The following HYDIN variants were observed in gnomAD, a reference collection of about 807,000 sequenced individuals.
HYDIN encodes axonemal central pair apparatus protein HYDIN.
HYDIN carries 132 observed loss-of-function variants against 403.9 expected under a neutral mutation model. That is an observed-to-expected ratio of 0.33 (90% CI 0.28 to 0.38). The LOEUF is 0.38. Among genes scored for constraint, HYDIN ranks in the 10% least tolerant of loss-of-function variants. The pLI, the probability that HYDIN is intolerant of heterozygous loss-of-function variation, is 1.00. For missense variants in HYDIN, 2,827 were observed against 5,009.5 expected (o/e 0.56, Z 13.15); for synonymous variants, 1,202 against 1,891.7 (o/e 0.64, Z 9.46).
At chr16:70,894,399 C>G (rs866463425) in intron 55 of HYDIN, 50 bp downstream of exon 55, 3 of 1,610,888 alleles carry the variant, frequency 1.9e-6, no homozygotes, top group Non-Finnish European at 2.5e-6. Flanking sequence ...TCCCCACATT[C>G]CTCCCCACGG....
intron 21 of HYDIN, among the ~76,000 whole-genome samples, chr16:71,023,105 G>T (rs1164497776): frequency 6.6e-6 from 1 of 152,186 alleles, no homozygotes; most frequent in East Asian, 1.9e-4. Flanking sequence ...ACCAACTTCA[G>T]TGCAGCTGTT....
At chr16:70,940,016 G>A (rs1181440730) in intron 43 of HYDIN, among the ~76,000 whole-genome samples, 2 of 152,094 alleles carry the variant, frequency 1.3e-5, no homozygotes, top group Non-Finnish European at 2.9e-5. Flanking sequence ...GTTGATAAGC[G>A]ACCCAATCTA....
chr16:71,158,402 A>G (rs2085862822), intron 6 of HYDIN, among the ~76,000 whole-genome samples: 2 of 152,112 alleles, frequency 1.3e-5, no homozygotes, highest in South Asian at 2.1e-4. Context: ...AGATAGATAG[A>G]AAGATTTTAT....
intron 1 of HYDIN, among the ~76,000 whole-genome samples, chr16:71,224,190 G>C (rs1190115185): frequency 2.0e-5 from 3 of 152,184 alleles, no homozygotes; most frequent in East Asian, 1.9e-4. Flanking sequence ...AAGTAACCCA[G>C]GAGTGAAAAA....
chr16:70,826,608 C>T (rs940139175), intron 83 of HYDIN, among the ~76,000 whole-genome samples: 6 of 150,620 alleles, frequency 4.0e-5, no homozygotes, highest in Non-Finnish European at 7.4e-5. Flanking sequence ...AAAATCTTGT[C>T]TGTCTGTGAA....
intron 10 of HYDIN, among the ~76,000 whole-genome samples, chr16:71,109,545 A>G (rs1479969500): frequency 1.6e-5 from 2 of 128,080 alleles, no homozygotes; most frequent in Non-Finnish European, 3.0e-5. Flanking sequence ...CTCATTGAAG[A>G]TAATAGTAAG....
chr16:70,858,313 G>T (rs1456596283), intron 71 of HYDIN, among the ~76,000 whole-genome samples: 2 of 152,186 alleles, frequency 1.3e-5, no homozygotes, highest in South Asian at 2.1e-4. Context: ...AGGCCAGCTG[G>T]CAGTGGAGCT....
chr16:71,004,966 C>A (rs1401356619), intron 23 of HYDIN, among the ~76,000 whole-genome samples: 7 of 151,948 alleles, frequency 4.6e-5, no homozygotes, highest in Non-Finnish European at 8.8e-5. Flanking sequence ...AAGAATTTGT[C>A]CATTTTATCT....
At chr16:70,846,216 C>T (rs1296118117) in intron 75 of HYDIN, among the ~76,000 whole-genome samples, 10 of 141,378 alleles carry the variant, frequency 7.1e-5, no homozygotes, top group African/African-American at 1.3e-4. Context: ...GCTTTGAATG[C>T]GTCCCAGAGA....
intron 53 of HYDIN, among the ~76,000 whole-genome samples, chr16:70,898,747 ATT>A (rs59170316): frequency 6.9e-5 from 10 of 145,408 alleles, no homozygotes; most frequent in Non-Finnish European, 7.6e-5. Context: ...CAGTTCAAGT[ATT>A]TTTTTTTTTT....
chr16:71,162,413 C>T, intron 6 of HYDIN, 118 bp downstream of exon 6: 1 of 573,982 alleles, frequency 1.7e-6, no homozygotes, highest in South Asian at 2.0e-5. Context: ...GGTCTCCCAG[C>T]TTTGCAACTG....
intron 15 of HYDIN, 158 bp downstream of exon 15, chr16:71,067,132 G>C (rs2082298261): frequency 5.0e-6 from 3 of 595,362 alleles, no homozygotes; most frequent in Non-Finnish European, 9.0e-6. Context: ...AGAAACATTT[G>C]CTGCTTTGTC....
intron 47 of HYDIN, among the ~76,000 whole-genome samples, chr16:70,916,681 T>C (rs900802040): frequency 3.9e-5 from 6 of 152,302 alleles, no homozygotes; most frequent in African/African-American, 1.4e-4. Context: ...ATCTGTTATG[T>C]TTCTTTAGTA....
At chr16:70,901,904 T>C (rs906531341) in intron 52 of HYDIN, among the ~76,000 whole-genome samples, 28 of 152,168 alleles carry the variant, frequency 1.8e-4, no homozygotes, top group African/African-American at 5.3e-4. Context: ...TTTTTAAAAA[T>C]TGCAGTTTCT....
At chr16:70,871,868 G>GA (rs2040127063) in intron 65 of HYDIN, among the ~76,000 whole-genome samples, 169 bp downstream of exon 65, 1 of 139,176 alleles carries the variant, frequency 7.2e-6, no homozygotes, top group Admixed American at 7.4e-5. Flanking sequence ...GGAGAGACAT[G>GA]AACAGTGTTC....
chr16:70,861,327 G>A (rs1463343944), intron 69 of HYDIN, among the ~76,000 whole-genome samples: 1 of 151,934 alleles, frequency 6.6e-6, no homozygotes, highest in East Asian at 1.9e-4. Flanking sequence ...CCTAGGTGTG[G>A]GAGGGGTCTC....
intron 15 of HYDIN, among the ~76,000 whole-genome samples, chr16:71,066,151 G>A (rs2082257376): frequency 6.6e-6 from 1 of 151,458 alleles, no homozygotes; most frequent in Non-Finnish European, 1.5e-5. Flanking sequence ...ATCGATAGCT[G>A]TAGGGAAAGG....
intron 13 of HYDIN, among the ~76,000 whole-genome samples, chr16:71,073,595 TCTC>T (rs1280451748): frequency 6.6e-6 from 1 of 152,144 alleles, no homozygotes; most frequent in Non-Finnish European, 1.5e-5. Context: ...TGCAATAACT[TCTC>T]TGTCCACATT....
chr16:70,938,496 T>C, intron 44 of HYDIN, 118 bp downstream of exon 44: 1 of 738,994 alleles, frequency 1.4e-6, no homozygotes, highest in East Asian at 2.6e-5. Context: ...TTCCAGGGCC[T>C]TCTGCAGCTC....
Sources: allele counts gnomAD v4.1 joint callset (sites outside exome capture counted in the v4.1 genomes callset), GRCh38; gene constraint gnomAD v4.1.1; transcripts MANE v1.5; gene names NCBI Gene and HGNC (gene_info 2026-07-23, HGNC 2026-07-21).